Variants in ABCG1 observed in about 807,000 individuals in gnomAD.
ABCG1 encodes ATP-binding cassette sub-family G member 1.
A neutral mutation model predicts 69.2 loss-of-function variants in ABCG1; 29 were observed. The ratio of observed to expected loss-of-function variants is 0.42; its 90% CI spans 0.31 to 0.57. The LOEUF (loss-of-function observed/expected upper bound fraction) is 0.57, where lower values mean the gene tolerates loss of function less well. Ranked by LOEUF, ABCG1 falls within the 20% of genes least tolerant of loss-of-function variation. ABCG1 has a pLI of 0.15. For missense variants in ABCG1, 718 were observed against 898.1 expected (o/e 0.80, Z 2.56); for synonymous variants, 370 against 374.8 (o/e 0.99, Z 0.15).
Position 42,291,686 on chromosome 21 carries a change from C to A in ABCG1, c.1653+30C>A. 1 of 1,569,328 alleles carries A rather than the reference C, an allele frequency of 6.4e-7. No individual in the cohort carries two copies. Among genetic ancestry groups the A allele is most frequent in the Non-Finnish European group, 8.6e-7 (1 of 1,163,370 alleles). On this transcript the variant is annotated intron_variant, in intron 13 of 14. Coordinates refer to ENST00000398449, the MANE Select transcript of ABCG1 (RefSeq NM_016818.3). This position sits in a 1 kb window ranked among gnomAD's most constrained non-coding sequence, Gnocchi z 6.4. ...CAGCCCAGGAGGCGCTAAGTGAGGG[C>A]ATGACGGCTGGGCTTCCCTGAGCTA...
At chr21:42,282,528 T>C in intron 6 of ABCG1, 109 bp downstream of exon 6, 2 of 1,320,044 alleles carry the variant, frequency 1.5e-6, no homozygotes, top group Non-Finnish European at 2.0e-6. Context: ...AGGGGGTGAG[T>C]TGAGCTCACC....
chr21:42,265,140 C>T (rs1025444044), intron 2 of ABCG1, among the ~76,000 whole-genome samples: 2 of 152,204 alleles, frequency 1.3e-5, no homozygotes, highest in African/African-American at 4.8e-5. Flanking sequence ...GGCAGGGCTG[C>T]ACCCCGATAA....
chr21:42,285,855 C>T (rs755785306), intron 7 of ABCG1, 25 bp from the exon 8 acceptor site: 3 of 1,543,142 alleles, frequency 1.9e-6, no homozygotes, highest in Admixed American at 1.7e-5. Context: ...GGGCTTGATC[C>T]CTTTTTCTCC....
At chr21:42,240,218 A>G (rs1056046716) in intron 2 of ABCG1, among the ~76,000 whole-genome samples, 5 of 152,140 alleles carry the variant, frequency 3.3e-5, no homozygotes, top group African/African-American at 1.2e-4. Context: ...CACTGCTTCC[A>G]TGTTATCAGT....
intron 2 of ABCG1, among the ~76,000 whole-genome samples, chr21:42,204,709 T>A (rs2067530233): frequency 6.6e-6 from 1 of 152,222 alleles, no homozygotes. Flanking sequence ...GTAGTCTTGC[T>A]GTGTTGCCCA....
chr21:42,237,464 T>C (rs1340160540), intron 2 of ABCG1, among the ~76,000 whole-genome samples: 1 of 152,192 alleles, frequency 6.6e-6, no homozygotes, highest in Non-Finnish European at 1.5e-5. Flanking sequence ...AGGAGAGTCT[T>C]TCTTGGTTAC....
At chr21:42,248,584 T>G (rs1343285646) in intron 2 of ABCG1, among the ~76,000 whole-genome samples, 1 of 152,096 alleles carries the variant, frequency 6.6e-6, no homozygotes. Flanking sequence ...CAAATGCTCA[T>G]TGAAAGAAGA....
chr21:42,225,535 G>A (rs2067801365), intron 1 of ABCG1, 136 bp from the exon 2 acceptor site: 1 of 1,119,552 alleles, frequency 8.9e-7, no homozygotes, highest in Non-Finnish European at 1.3e-6. Context: ...TTTCTCCTGG[G>A]GCCAAAGGTG....
chr21:42,217,881 C>T (rs865881284), upstream of ABCG1, among the ~76,000 whole-genome samples: 8 of 151,716 alleles, frequency 5.3e-5, no homozygotes, highest in Middle Eastern at 6.8e-3. Flanking sequence ...TTAGTAGAGA[C>T]GGGGTTTCAT....
Position 42,219,882 on chromosome 21 carries a change from A to G in ABCG1, c.42+578A>G. On this transcript the variant is annotated intron_variant, in intron 1 of 14. Transcript: ENST00000398449. This position sits in a 1 kb window ranked among gnomAD's most constrained non-coding sequence, Gnocchi z 5.3. ...GACCCACTCGGGGAGGCGGCGGCGAAGGCCCGGGGAGACCCGCGAGGGGCA... is the reference window on the plus strand; with the variant it reads ...GACCCACTCGGGGAGGCGGCGGCGAGGGCCCGGGGAGACCCGCGAGGGGCA... The G allele has an allele frequency of 6.5e-7, 1 of 1,541,178 alleles. No individual in the cohort carries two copies. Among genetic ancestry groups the G allele is most frequent in the Non-Finnish European group, 8.7e-7 (1 of 1,143,884 alleles).
chr21:42,204,162 A>G (rs12626951), intron 2 of ABCG1, among the ~76,000 whole-genome samples: 14,374 of 152,232 alleles, frequency 0.094, 723 homozygotes, highest in East Asian at 0.22. Context: ...GGGATTTCCT[A>G]GGTAGACAAT....
chr21:42,225,564 T>G, intron 1 of ABCG1, 107 bp from the exon 2 acceptor site: 1 of 1,390,464 alleles, frequency 7.2e-7, no homozygotes, highest in Non-Finnish European at 9.8e-7. Flanking sequence ...GTGGAAGAAG[T>G]GTTGCTATTA....
rs886641791 is a variant in ABCG1 at position 42,239,096 on chromosome 21, C to T, written c.286+13182C>T. On this transcript the variant is annotated intron_variant, in intron 2 of 14. Coordinates refer to ENST00000398449, the MANE Select transcript of ABCG1 (RefSeq NM_016818.3). Reference sequence around the variant, plus strand: ...CAAAAAAATGATTCCAGGTGTAGTACTTGTTAGCAAAATGCCCTCAGTAAA... The same window carrying T: ...CAAAAAAATGATTCCAGGTGTAGTATTTGTTAGCAAAATGCCCTCAGTAAA... Among the ~76,000 whole-genome samples, 164 of 152,240 alleles carry T rather than the reference C, an allele frequency of 1.1e-3. 1 individual carries two copies. The highest frequency in any genetic ancestry group is 3.9e-3 in the African/African-American group (162 of 41,548).
intron 2 of ABCG1, among the ~76,000 whole-genome samples, chr21:42,270,737 C>A (rs538303494): frequency 6.3e-4 from 96 of 152,296 alleles, no homozygotes; most frequent in African/African-American, 2.2e-3. Flanking sequence ...GGCAGGTCAC[C>A]TGGGCCCACC....
chr21:42,246,320 G>A (rs2068133418), intron 2 of ABCG1, among the ~76,000 whole-genome samples: 1 of 152,224 alleles, frequency 6.6e-6, no homozygotes. Flanking sequence ...AAAGATTATG[G>A]AGATATTTGT....
At chr21:42,231,618 T>A (rs902187741) in intron 2 of ABCG1, among the ~76,000 whole-genome samples, 1 of 152,246 alleles carries the variant, frequency 6.6e-6, no homozygotes, top group Non-Finnish European at 1.5e-5. Context: ...CTTTCAGGAA[T>A]TCCATTAAGG....
intron 8 of ABCG1, among the ~76,000 whole-genome samples, chr21:42,286,705 C>T (rs1035210214): frequency 3.9e-5 from 6 of 152,080 alleles, no homozygotes; most frequent in Admixed American, 6.6e-5. Flanking sequence ...AGGTCTGAAG[C>T]CTGCATGGAG....
upstream of ABCG1, chr21:42,216,246 C>G (rs570353812): frequency 2.4e-4 from 94 of 397,116 alleles, no homozygotes; most frequent in Non-Finnish European, 3.7e-4. Flanking sequence ...ATGTCTTTAT[C>G]GGCAGCGTGA....
At chr21:42,256,007 G>A (rs933981184) in intron 2 of ABCG1, 17 of 446,610 alleles carry the variant, frequency 3.8e-5, no homozygotes, top group African/African-American at 3.0e-4. Flanking sequence ...GAGCCAGGGA[G>A]CCCCTAGAGC....
Sources: gnomAD v4.1 joint callset for allele counts (sites outside exome capture counted in the v4.1 genomes callset) on GRCh38, gnomAD v4.1.1 for gene constraint, Gnocchi (gnomAD v3.1) non-coding constraint, MANE v1.5 for transcripts, NCBI Gene and HGNC (gene_info 2026-07-23, HGNC 2026-07-21) for gene names.